FTO: variants seen among roughly 807,000 people sequenced by gnomAD.
The protein encoded by FTO is FTO alpha-ketoglutarate dependent dioxygenase.
FTO carries 47 observed loss-of-function variants against 63.9 expected under a neutral mutation model. The ratio of observed to expected loss-of-function variants is 0.74; its 90% CI spans 0.58 to 0.94. The LOEUF (loss-of-function observed/expected upper bound fraction) is 0.94. Among genes scored for constraint, FTO ranks in the 40% least tolerant of loss-of-function variants. The probability of loss-of-function intolerance (pLI) is 0.00; values close to 1 mark genes in which losing one functional copy is unlikely to be tolerated. For synonymous variants in FTO, 207 were observed against 224.4 expected, an observed-to-expected ratio of 0.92 and a Z score of 0.69; for missense variants, 562 against 618.1, an observed-to-expected ratio of 0.91 and a Z score of 0.96.
intron 3 of FTO, among the ~76,000 whole-genome samples, chr16:53,839,829 G>A (rs2079420997): frequency 6.9e-6 from 1 of 144,916 alleles, no homozygotes; most frequent in Non-Finnish European, 1.5e-5. Context: ...ATTTTAAGGT[G>A]CAGTGTCACT....
rs1406097547 is a variant in FTO, at chr16:53,983,301, G to A, written c.1364+49192G>A. On this transcript the variant is annotated intron_variant, in intron 8 of 8. Coordinates refer to ENST00000471389, the MANE Select transcript of FTO (RefSeq NM_001080432.3). ...TATTTATTCTTTAGAGAATAGTAGA[G>A]TTCATTTTTATAGTTTGCCTTTAAA... Among the ~76,000 whole-genome samples the A allele has an allele frequency of 2.0e-5, 3 of 152,040 alleles. No homozygotes were observed. The East Asian group carries it at 5.8e-4, about 29-fold the overall frequency.
chr16:53,813,117 G>A (rs934541626), intron 2 of FTO, among the ~76,000 whole-genome samples: 2 of 151,964 alleles, frequency 1.3e-5, no homozygotes, highest in African/African-American at 4.8e-5. Flanking sequence ...AATGCAAACA[G>A]AACAACTATC....
At chr16:53,795,292 T>A (rs1291824741) in intron 1 of FTO, among the ~76,000 whole-genome samples, 1 of 152,188 alleles carries the variant, frequency 6.6e-6, no homozygotes, top group East Asian at 1.9e-4. Flanking sequence ...AAAGATTTTT[T>A]AAAAGGCATT....
rs919544391 is a variant in FTO, at chr16:53,881,079, G to A, written c.1119+1092G>A. Among the ~76,000 whole-genome samples, 12 of 151,002 alleles carry A rather than the reference G, an allele frequency of 7.9e-5. No homozygotes were observed. In the East Asian group the frequency reaches 2.1e-3, roughly 27 times the overall value. ...GGAGCTTGCAGTGAGCCAAGATCGC[G>A]TGACTGCACTCCAGCCTGGGCAACA... On this transcript the variant is annotated intron_variant, in intron 6 of 8. Coordinates refer to ENST00000471389, the MANE Select transcript of FTO (RefSeq NM_001080432.3).
At position 53,755,255 on chromosome 16, in the gene FTO, A is replaced by G. The variant is rs76473621; in HGVS notation, c.45+51026A>G. 1.2e-4 allele frequency among the ~76,000 whole-genome samples: 18 copies of G among 152,236 alleles called. No homozygotes were observed. The East Asian group carries it at 3.3e-3, about 28-fold the overall frequency. ...GTGAGATTTGCCCCTTGGATGTGAA[A>G]GGCCTCTCTTTCTTAATGATGGGAG... On this transcript the variant is annotated intron_variant, in intron 1 of 8. Coordinates refer to ENST00000471389, the MANE Select transcript of FTO (RefSeq NM_001080432.3).
At chr16:53,708,662 T>A (rs1276294281) in intron 1 of FTO, among the ~76,000 whole-genome samples, 1 of 152,226 alleles carries the variant, frequency 6.6e-6, no homozygotes, top group East Asian at 1.9e-4. Flanking sequence ...GTTACAATTT[T>A]GTCACATCCT....
At chr16:53,969,572 T>C (rs1306344533) in intron 8 of FTO, among the ~76,000 whole-genome samples, 1 of 152,220 alleles carries the variant, frequency 6.6e-6, no homozygotes, top group Non-Finnish European at 1.5e-5. Flanking sequence ...TTGTGGCGAC[T>C]CACAAACAGC....
At chr16:53,921,321 T>C (rs1209752056) in intron 7 of FTO, among the ~76,000 whole-genome samples, 1 of 152,206 alleles carries the variant, frequency 6.6e-6, no homozygotes, top group East Asian at 1.9e-4. Flanking sequence ...TTTGTGCTGC[T>C]GATGTTTAGG....
chr16:54,060,678 C>A (rs2085547964), intron 8 of FTO, among the ~76,000 whole-genome samples: 1 of 152,194 alleles, frequency 6.6e-6, no homozygotes, highest in African/African-American at 2.4e-5. Flanking sequence ...CAATCACTTA[C>A]TAAATCAGAT....
intron 3 of FTO, among the ~76,000 whole-genome samples, chr16:53,832,823 A>G (rs943720944): frequency 6.6e-6 from 1 of 152,142 alleles, no homozygotes; most frequent in African/African-American, 2.4e-5. Context: ...CTCTGTACCC[A>G]TTTAAACAAT....
chr16:54,082,231 C>G (rs973192850), intron 8 of FTO, among the ~76,000 whole-genome samples: 7 of 152,176 alleles, frequency 4.6e-5, no homozygotes, highest in Non-Finnish European at 5.9e-5. Flanking sequence ...CCAGTTCCCT[C>G]CAATAAACCT....
chr16:53,780,662 G>C (rs548736490), intron 1 of FTO, among the ~76,000 whole-genome samples: 1 of 152,136 alleles, frequency 6.6e-6, no homozygotes, highest in Non-Finnish European at 1.5e-5. Flanking sequence ...GAGCCACTGA[G>C]CCACCACATT....
intron 8 of FTO, among the ~76,000 whole-genome samples, chr16:54,004,445 CAAGTA>C (rs2084146573): frequency 1.3e-5 from 2 of 151,712 alleles, no homozygotes; most frequent in Non-Finnish European, 2.9e-5. Flanking sequence ...TTTAATTTAG[CAAGTA>C]AAGTAGCAGA....
chr16:53,861,098 A>G (rs1445183648), intron 4 of FTO, among the ~76,000 whole-genome samples: 1 of 152,172 alleles, frequency 6.6e-6, no homozygotes, highest in African/African-American at 2.4e-5. Flanking sequence ...TGGTTATTCA[A>G]GTTTTTTGAT....
intron 8 of FTO, among the ~76,000 whole-genome samples, chr16:54,090,494 A>C (rs768797816): frequency 6.6e-6 from 1 of 152,214 alleles, no homozygotes; most frequent in East Asian, 1.9e-4. Context: ...TAAATGTGAT[A>C]ATTCCACTGA....
Position 53,873,903 on chromosome 16 carries a change from A to T in FTO, c.975+38A>T, listed in dbSNP as rs1429653201. ...AAAAATGTGATTCACACCTAATTGG[A>T]TGTGACAGAAGTGGTTGAATGAGCA... is the stretch of plus-strand genomic sequence containing the variant. On this transcript the variant is annotated intron_variant, in intron 5 of 8. Coordinates refer to ENST00000471389, the MANE Select transcript of FTO (RefSeq NM_001080432.3). 4 of 1,451,820 alleles carry T rather than the reference A, an allele frequency of 2.8e-6. No individual in the cohort carries two copies. The South Asian group carries it at 4.6e-5, about 17-fold the overall frequency. The allele number at this position is 1,451,820 out of a possible 1,614,324, so 89.9% of individuals were successfully genotyped here.
At chr16:53,888,753 A>G (rs1050700313) in intron 6 of FTO, 79 bp from the exon 7 acceptor site, 2 of 1,489,710 alleles carry the variant, frequency 1.3e-6, no homozygotes, top group Non-Finnish European at 1.9e-6. Flanking sequence ...ACTGGAGGAG[A>G]ATTAAGAGAC....
intron 7 of FTO, among the ~76,000 whole-genome samples, chr16:53,892,344 A>G (rs1453340168): frequency 6.6e-6 from 1 of 152,154 alleles, no homozygotes; most frequent in African/African-American, 2.4e-5. Context: ...TTAACTGTCA[A>G]GAATTATCCC....
At chr16:53,879,160 T>C (rs1480761321) in intron 5 of FTO, among the ~76,000 whole-genome samples, 2 of 152,234 alleles carry the variant, frequency 1.3e-5, no homozygotes, top group Non-Finnish European at 2.9e-5. Flanking sequence ...CCAATAATTA[T>C]TTATTAAATT....
Sources: gnomAD v4.1 joint callset for allele counts (sites outside exome capture counted in the v4.1 genomes callset) on GRCh38, gnomAD v4.1.1 for gene constraint, MANE v1.5 for transcripts, NCBI Gene and HGNC (gene_info 2026-07-23, HGNC 2026-07-21) for gene names.